The following PLD1 variants were observed in gnomAD, a reference collection of about 807,000 sequenced individuals.
PLD1 encodes phospholipase D1.
Under a neutral mutation model 137.1 loss-of-function variants are expected in PLD1, and 112 were observed. The observed-to-expected ratio is 0.82, with a 90% CI of 0.70 to 0.96. The LOEUF is 0.96. PLD1 is among the 40% of genes least tolerant of loss of function. PLD1 has a pLI of 0.00. For missense variants in PLD1, 1,321 were observed against 1,342.0 expected (o/e 0.98, Z 0.24); for synonymous variants, 431 against 454.7 (o/e 0.95, Z 0.66).
intron 23 of PLD1, among the ~76,000 whole-genome samples, chr3:171,628,795 T>C (rs1476337520): frequency 6.6e-6 from 1 of 152,178 alleles, no homozygotes; most frequent in Non-Finnish European, 1.5e-5. Context: ...GAAAAGGCCT[T>C]TGACAAAATT....
chr3:171,720,878 G>A (rs1718079797), intron 8 of PLD1, among the ~76,000 whole-genome samples: 1 of 152,248 alleles, frequency 6.6e-6, no homozygotes, highest in South Asian at 2.1e-4. Context: ...ACCTTTCCTA[G>A]CTGTTGCTTC....
chr3:171,659,741 C>A (rs889942798), intron 20 of PLD1, among the ~76,000 whole-genome samples: 1 of 152,062 alleles, frequency 6.6e-6, no homozygotes, highest in African/African-American at 2.4e-5. Flanking sequence ...ATGGTAAAGC[C>A]TGGTCTAGTT....
rs530833297 is a variant in PLD1 at position 171,756,631 on chromosome 3, A to G, written c.-31-18549T>C. The stretch of plus-strand genomic sequence containing the variant: ...GGCATAGTTGACAGATTATTGATTC[A>G]CCATTAAAATGGCATTAATATAAAG... On this transcript the variant is annotated intron_variant, in intron 1 of 26. Transcript: ENST00000351298. Among the ~76,000 whole-genome samples, 6 of 152,378 alleles carry G rather than the reference A, an allele frequency of 3.9e-5. No individual in the cohort carries two copies. In the South Asian group the frequency reaches 1.2e-3, roughly 32 times the overall value.
At chr3:171,671,633 A>C (rs1490277602) in intron 19 of PLD1, among the ~76,000 whole-genome samples, 1 of 152,136 alleles carries the variant, frequency 6.6e-6, no homozygotes, top group Non-Finnish European at 1.5e-5. Context: ...GAAAGATGGA[A>C]ACAGATAAGA....
In PLD1 at chr3:171,723,560, AGTC is replaced by A. The variant is rs970914384; in HGVS notation, c.758+1133_758+1135del. 5.0e-4 allele frequency among the ~76,000 whole-genome samples: 76 copies of A among 152,266 alleles called. 1 individual carries two copies. Among genetic ancestry groups the A allele is most frequent in the African/African-American group, 1.7e-3 (70 of 41,566 alleles). On this transcript the variant is annotated intron_variant, in intron 8 of 26. Transcript: ENST00000351298. ...GAGGAACCTCCAAACTGTTCTCCGT[AGTC>A]GTCGTACTAATTTACATTCCCATCA...
intron 3 of PLD1, among the ~76,000 whole-genome samples, 180 bp downstream of exon 3, chr3:171,737,352 A>G (rs376529138): frequency 5.3e-5 from 8 of 152,348 alleles, no homozygotes; most frequent in Admixed American, 4.6e-4. Context: ...AATGAAGATT[A>G]AATGGGAAGG....
chr3:171,696,773 C>A (rs1715732495), intron 12 of PLD1, among the ~76,000 whole-genome samples: 2 of 152,020 alleles, frequency 1.3e-5, no homozygotes, highest in Admixed American at 1.3e-4. Context: ...TAAGGAAGAG[C>A]AACTCCGCTA....
intron 13 of PLD1, 78 bp downstream of exon 13, chr3:171,692,254 C>A: frequency 1.4e-6 from 1 of 713,362 alleles, no homozygotes; most frequent in Non-Finnish European, 2.5e-6. Context: ...TAGATTATTA[C>A]TGCCCAGAAC....
At chr3:171,667,270 C>A (rs1344640132) in intron 19 of PLD1, among the ~76,000 whole-genome samples, 1 of 152,182 alleles carries the variant, frequency 6.6e-6, no homozygotes, top group African/African-American at 2.4e-5. Flanking sequence ...TTCTTCCAGA[C>A]TGTACTGAGA....
In PLD1 at chr3:171,785,623, G is replaced by A. The variant is rs530618813; in HGVS notation, c.-32+24776C>T. On this transcript the variant is annotated intron_variant, in intron 1 of 26. Coordinates refer to ENST00000351298, the MANE Select transcript of PLD1 (RefSeq NM_002662.5). ...CAAGCTAATTTTTGTATTTTTAGTAGAGACGGGGTTTCACCATGTTGTTCA... is the reference window on the plus strand; with the variant it reads ...CAAGCTAATTTTTGTATTTTTAGTAAAGACGGGGTTTCACCATGTTGTTCA... 2.3e-4 allele frequency among the ~76,000 whole-genome samples: 35 copies of A among 152,270 alleles called. No individual in the cohort carries two copies. The South Asian group carries it at 2.7e-3, about 12-fold the overall frequency.
At chr3:171,676,927 G>C in intron 17 of PLD1, 94 bp from the exon 18 acceptor site, 1 of 754,730 alleles carries the variant, frequency 1.3e-6, no homozygotes, top group Non-Finnish European at 2.3e-6. Flanking sequence ...GGAAACGTGG[G>C]TTAGTGCCCA....
chr3:171,649,674 A>G (rs1437197651), intron 21 of PLD1, among the ~76,000 whole-genome samples: 1 of 152,240 alleles, frequency 6.6e-6, no homozygotes, highest in Non-Finnish European at 1.5e-5. Flanking sequence ...AGCCCCGGAT[A>G]ACTACCCATC....
chr3:171,772,176 TA>T (rs1722392428), intron 1 of PLD1, among the ~76,000 whole-genome samples: 2 of 152,246 alleles, frequency 1.3e-5, no homozygotes, highest in Non-Finnish European at 2.9e-5. Flanking sequence ...GTGTTCACAG[TA>T]TACTTATTTT....
Position 171,639,235 on chromosome 3 carries a change from C to T in PLD1, c.2593+3605G>A, listed in dbSNP as rs865932695. Among the ~76,000 whole-genome samples the T allele has an allele frequency of 1.3e-4, 18 of 137,680 alleles. No individual in the cohort carries two copies. In the South Asian group the frequency reaches 2.0e-3, roughly 15 times the overall value. The allele number at this position is 137,680 out of a possible 152,430, so 90.3% of individuals were successfully genotyped here. On this transcript the variant is annotated intron_variant, in intron 23 of 26. Coordinates refer to ENST00000351298, the MANE Select transcript of PLD1 (RefSeq NM_002662.5). Reference sequence around the variant, plus strand: ...ATAGCACATAAAATATATATCTATACATATATTTATAATATATAACATATA... The same window carrying T: ...ATAGCACATAAAATATATATCTATATATATATTTATAATATATAACATATA...
intron 24 of PLD1, among the ~76,000 whole-genome samples, chr3:171,614,201 C>T (rs185379327): frequency 4.6e-5 from 7 of 152,296 alleles, no homozygotes; most frequent in African/African-American, 1.4e-4. Context: ...ATCGAGCACC[C>T]TACAGAAATG....
chr3:171,683,136 CT>C (rs1714179892), intron 16 of PLD1, among the ~76,000 whole-genome samples: 1 of 152,178 alleles, frequency 6.6e-6, no homozygotes, highest in African/African-American at 2.4e-5. Context: ...GAAATTCCAT[CT>C]TTCCAGTGGG....
At chr3:171,800,204 CTTTATTTTTTATT>C (rs1198066336) in intron 1 of PLD1, among the ~76,000 whole-genome samples, 1 of 152,038 alleles carries the variant, frequency 6.6e-6, no homozygotes. Flanking sequence ...ATTTTTACTT[CTTTATTTTTTATT>C]TTTATTTTTT....
chr3:171,709,674 G>C lies in PLD1; in HGVS notation c.947C>G (p.Ala316Gly). The C allele has an allele frequency of 1.2e-6, 2 of 1,613,936 alleles. No homozygotes were observed. Among genetic ancestry groups the C allele is most frequent in the East Asian group, 2.2e-5 (1 of 44,854 alleles). Residue 316 changes from alanine to glycine, a missense_variant, in exon 10 of 27, where the codon GCT (alanine) becomes GGT (glycine). Transcript: ENST00000351298. ...TTCTATAGCCCCTCCCCACCACCGA[G>C]CATGTCTATAGCTGTTGCATTTTAA... ...LILKCNSYRHARWWGGAIEEF... is the reference protein window; with the variant it reads ...LILKCNSYRHGRWWGGAIEEF...
intron 23 of PLD1, among the ~76,000 whole-genome samples, chr3:171,636,938 T>G (rs1398931054): frequency 2.0e-5 from 3 of 152,218 alleles, no homozygotes; most frequent in African/African-American, 4.8e-5. Context: ...TTCCTGTGTA[T>G]TCCAAGTTTG....
Sources: gnomAD v4.1 joint callset for allele counts (sites outside exome capture counted in the v4.1 genomes callset) on GRCh38, gnomAD v4.1.1 for gene constraint, MANE v1.5 for transcripts, NCBI Gene and HGNC (gene_info 2026-07-23, HGNC 2026-07-21) for gene names.